The following ANKAR variants were observed in gnomAD, a reference collection of about 807,000 sequenced individuals.
The protein encoded by ANKAR is ankyrin and armadillo repeat-containing protein.
In ANKAR, 136 loss-of-function variants were observed where a neutral mutation model predicts 146.2. The observed-to-expected ratio is 0.93, with a 90% CI of 0.81 to 1.07. The LOEUF (loss-of-function observed/expected upper bound fraction) is 1.07, where lower values mean the gene tolerates loss of function less well. Among genes scored for constraint, ANKAR ranks in the 50% least tolerant of loss-of-function variants. The pLI is 0.00. For synonymous variants in ANKAR, 500 were observed against 575.8 expected (o/e 0.87, Z 1.88); for missense variants, 1,567 against 1,679.9 (o/e 0.93, Z 1.18).
chr2:189,710,922 T>G, intron 9 of ANKAR, 127 bp from the exon 10 acceptor site: 1 of 685,946 alleles, frequency 1.5e-6, no homozygotes, highest in Non-Finnish European at 2.6e-6. Context: ...ATTTAATGCA[T>G]GCAGTTGGTG....
chr2:189,702,830 A>C (rs902329599), intron 7 of ANKAR, among the ~76,000 whole-genome samples: 2 of 152,192 alleles, frequency 1.3e-5, no homozygotes, highest in African/African-American at 4.8e-5. Context: ...CTGAGGAAAT[A>C]TCTTTTAAAC....
At chr2:189,749,956 T>C (rs557707367), downstream of ANKAR, among the ~76,000 whole-genome samples, 1 of 152,130 alleles carries the variant, frequency 6.6e-6, no homozygotes, top group East Asian at 1.9e-4. Flanking sequence ...ACCCCATCTC[T>C]ACTAAAAAAA....
downstream of ANKAR, chr2:189,746,710 T>C (rs1210460345): frequency 4.0e-5 from 54 of 1,336,580 alleles, no homozygotes; most frequent in Non-Finnish European, 5.2e-5. Context: ...GCAAATAACA[T>C]AACTGAATAA....
At chr2:189,749,920 A>G (rs902973090), downstream of ANKAR, among the ~76,000 whole-genome samples, 14 of 152,134 alleles carry the variant, frequency 9.2e-5, no homozygotes, top group Non-Finnish European at 2.9e-5. Flanking sequence ...TCAGGAGTTC[A>G]AGACCACCCT....
intron 18 of ANKAR, among the ~76,000 whole-genome samples, chr2:189,756,064 T>G (rs2046032799): frequency 5.3e-5 from 8 of 152,098 alleles, no homozygotes; most frequent in Admixed American, 5.2e-4. Context: ...GGCATCAAAG[T>G]TTGTTCAGCT....
chr2:189,681,514 A>C (rs1407762716), intron 2 of ANKAR, among the ~76,000 whole-genome samples: 13 of 152,162 alleles, frequency 8.5e-5, no homozygotes, highest in Admixed American at 8.5e-4. Context: ...CATTCTAATC[A>C]AGTTGTAGGT....
In ANKAR at chr2:189,738,399, C is replaced by T. The variant is rs561647292; in HGVS notation, c.3583-166C>T. 6.6e-5 allele frequency among the ~76,000 whole-genome samples: 10 copies of T among 151,992 alleles called. No individual in the cohort carries two copies. In the South Asian group the frequency reaches 2.1e-3, roughly 31 times the overall value. ...TGCTATGACCAGACAGGGACAAATA[C>T]TCTAACTCTCCCCACCACCACATGC... On this transcript the variant is annotated intron_variant, in intron 18 of 22. Transcript: ENST00000684021.
intron 20 of ANKAR, among the ~76,000 whole-genome samples, chr2:189,742,419 A>G (rs1426972583): frequency 6.6e-6 from 1 of 152,126 alleles, no homozygotes; most frequent in African/African-American, 2.4e-5. Context: ...TGACCAATCT[A>G]TGGGTCATAG....
chr2:189,754,318 GT>G (rs2045734217), intron 18 of ANKAR: 2 of 1,608,850 alleles, frequency 1.2e-6, no homozygotes, highest in Non-Finnish European at 1.7e-6. Flanking sequence ...CACTCTGGAT[GT>G]TTTATTAAAG....
chr2:189,723,331 T>G (rs777826501), intron 12 of ANKAR, among the ~76,000 whole-genome samples: 13 of 152,198 alleles, frequency 8.5e-5, no homozygotes, highest in Admixed American at 3.3e-4. Flanking sequence ...TGTATGCACA[T>G]TCTTATATAC....
chr2:189,732,278 A>T (rs1328722321), intron 16 of ANKAR, among the ~76,000 whole-genome samples: 1 of 152,200 alleles, frequency 6.6e-6, no homozygotes, highest in East Asian at 1.9e-4. Context: ...AATGGGCTTC[A>T]GAATGTACAT....
At chr2:189,682,497 T>C (rs1413897090) in intron 2 of ANKAR, among the ~76,000 whole-genome samples, 1 of 152,060 alleles carries the variant, frequency 6.6e-6, no homozygotes, top group Non-Finnish European at 1.5e-5. Context: ...GTAGCAGGAA[T>C]AGGCACAGGT....
At position 189,689,907 on chromosome 2, in the gene ANKAR, A is replaced by G; in HGVS notation, c.982A>G (p.Ser328Gly). The G allele has an allele frequency of 1.3e-6, 2 of 1,555,500 alleles. No homozygotes were observed. The highest frequency in any genetic ancestry group is 2.2e-5 in the Admixed American group (1 of 45,314). Residue 328 changes from serine (S) to glycine (G), a missense_variant, in exon 3 of 23, where the codon AGT becomes GGT. Transcript: ENST00000684021. ...ATGTTTTCTGATTCCATTTCTACTG[A>G]GTTTAAAGAAGAAAATGAAAGTTCC... is the stretch of plus-strand genomic sequence containing the variant. ...LICFLIPFLLSLKKKMKVPYL... is the reference protein window; with the variant it reads ...LICFLIPFLLGLKKKMKVPYL...
At chr2:189,698,849 G>T (rs1213289942) in intron 7 of ANKAR, among the ~76,000 whole-genome samples, 1 of 152,208 alleles carries the variant, frequency 6.6e-6, no homozygotes, top group Non-Finnish European at 1.5e-5. Flanking sequence ...GGTGGTAAAG[G>T]AGGTGAGTGG....
At chr2:189,763,044 G>T (rs2106124035), downstream of ANKAR, 2 of 985,136 alleles carry the variant, frequency 2.0e-6, no homozygotes, top group South Asian at 4.7e-5. Context: ...ACATTAAAAA[G>T]AAATTTTTTT....
At chr2:189,762,740 C>A (rs532357600), downstream of ANKAR, 69 of 985,500 alleles carry the variant, frequency 7.0e-5, no homozygotes, top group African/African-American at 1.0e-3. Context: ...TAAAGACTGT[C>A]GACTGCCCTT....
At chr2:189,750,343 A>G (rs921379569), downstream of ANKAR, among the ~76,000 whole-genome samples, 17 of 152,160 alleles carry the variant, frequency 1.1e-4, no homozygotes, top group African/African-American at 3.9e-4. Flanking sequence ...TCCTTTCTCA[A>G]AAGATGTTTT....
intron 12 of ANKAR, among the ~76,000 whole-genome samples, chr2:189,725,315 C>T (rs1475916469): frequency 4.7e-5 from 6 of 126,806 alleles, no homozygotes; most frequent in South Asian, 2.5e-4. Flanking sequence ...CACACACACA[C>T]ATATATATGA....
chr2:189,707,948 A>G (rs1186240589), intron 9 of ANKAR, among the ~76,000 whole-genome samples: 1 of 152,206 alleles, frequency 6.6e-6, no homozygotes, highest in Non-Finnish European at 1.5e-5. Context: ...GAGAACTGAC[A>G]GTGCCCGTTA....
Sources: gnomAD v4.1 joint callset for allele counts (sites outside exome capture counted in the v4.1 genomes callset) on GRCh38, gnomAD v4.1.1 for gene constraint, MANE v1.5 for transcripts, NCBI Gene and HGNC (gene_info 2026-07-23, HGNC 2026-07-21) for gene names.